ADSS1: variants seen among roughly 807,000 people sequenced by gnomAD.
The protein encoded by ADSS1 is adenylosuccinate synthetase isozyme 1.
In ADSS1, 57 loss-of-function variants were observed where a neutral mutation model predicts 59.1. That is an observed-to-expected ratio of 0.97 (90% confidence interval 0.78 to 1.20). The LOEUF (loss-of-function observed/expected upper bound fraction) is 1.20, where lower values mean the gene tolerates loss of function less well. ADSS1 is among the 50% of genes most tolerant of loss of function. The pLI is 0.00. For missense variants in ADSS1, 603 were observed against 610.3 expected, an observed-to-expected ratio of 0.99 and a Z score of 0.13; for synonymous variants, 247 against 249.4, an observed-to-expected ratio of 0.99 and a Z score of 0.09.
intron 11 of ADSS1, 167 bp downstream of exon 11, chr14:104,745,076 G>C (rs1891507082): frequency 7.9e-6 from 5 of 636,558 alleles, no homozygotes. Context: ...CCTCTCACGG[G>C]TTTCTCCCCA....
At position 104,747,045 on chromosome 14, in the gene ADSS1, G is replaced by T; in HGVS notation, c.*42G>T. ...TCCCAACAGGCCCTGGCAGCGTCTG[G>T]ACTTGTGTAAACAGCAGCAGTCACG... is the stretch of plus-strand genomic sequence containing the variant. On this transcript the variant is annotated 3_prime_UTR_variant, in exon 13 of 13. Transcript: ENST00000330877. 2 of 1,581,940 alleles carry T rather than the reference G, an allele frequency of 1.3e-6. No homozygotes were observed. Among genetic ancestry groups the T allele is most frequent in the South Asian group, 1.1e-5 (1 of 88,986 alleles).
intron 10 of ADSS1, 63 bp from the exon 11 acceptor site, chr14:104,744,749 C>T (rs904121254): frequency 5.3e-6 from 8 of 1,521,292 alleles, no homozygotes; most frequent in East Asian, 4.5e-5. Context: ...CAAAAGCAAG[C>T]GGAAGAAACC....
rs375515624 is a variant in ADSS1 at position 104,739,834 on chromosome 14, C to T, written c.476+18C>T. 5.0e-6 allele frequency: 8 copies of T among 1,613,272 alleles called. No individual in the cohort carries two copies. The highest frequency in any genetic ancestry group is 1.3e-5 in the African/African-American group (1 of 74,904). On this transcript the variant is annotated intron_variant, in intron 5 of 12. Transcript: ENST00000330877. ...GGGAAGAAGTAAGTCTGCCGGGACA[C>T]TCTCACCCTCGGGGAGTCTTCTGGG...
intron 1 of ADSS1, among the ~76,000 whole-genome samples, chr14:104,726,055 G>A (rs952828753): frequency 3.9e-5 from 6 of 152,182 alleles, no homozygotes; most frequent in Non-Finnish European, 8.8e-5. Flanking sequence ...GCAGGCTGGA[G>A]CCCATCCCGC....
At chr14:104,730,075 C>A in intron 1 of ADSS1, 3 of 1,560,642 alleles carry the variant, frequency 1.9e-6, no homozygotes, top group Admixed American at 1.9e-5. Flanking sequence ...CTCACCTTCC[C>A]AGTGCCTGTG....
In ADSS1 at chr14:104,724,265, G is replaced by A. The variant is rs1890653504; in HGVS notation, c.-6G>A. 4 of 1,227,802 alleles carry A rather than the reference G, an allele frequency of 3.3e-6. No individual in the cohort carries two copies. Among genetic ancestry groups the A allele is most frequent in the Non-Finnish European group, 4.1e-6 (4 of 984,218 alleles). 76.1% of individuals were successfully genotyped at this position (1,227,802 alleles called of 1,614,324 possible). On this transcript the variant is annotated 5_prime_UTR_variant, in exon 1 of 13. Transcript: ENST00000330877. ...CGGGCCAGCGCAGCGGAAGAGCCAA[G>A]CCAGCATGTCGGGGACCCGAGCCTC...
intron 1 of ADSS1, among the ~76,000 whole-genome samples, chr14:104,728,939 G>A (rs1348421786): frequency 1.3e-5 from 2 of 152,214 alleles, no homozygotes; most frequent in East Asian, 3.9e-4. Flanking sequence ...GCACAGCTAG[G>A]GCCGAGGGGG....
intron 1 of ADSS1, among the ~76,000 whole-genome samples, chr14:104,732,756 C>T (rs1890976809): frequency 6.6e-6 from 1 of 152,226 alleles, no homozygotes; most frequent in Non-Finnish European, 1.5e-5. Flanking sequence ...ATAGGCTTCC[C>T]TTCTCTCAGT....
In ADSS1 at chr14:104,740,742, G is replaced by T; in HGVS notation, c.584+34G>T. ...GCCGTCTGCAGTCCCCGGGGAGGAT[G>T]GGGAGAAGTTGCCGGAAGGGACTGT... is the stretch of plus-strand genomic sequence containing the variant. On this transcript the variant is annotated intron_variant, in intron 6 of 12. Transcript: ENST00000330877. The surrounding 1 kb of genome is among the most constrained non-coding windows in gnomAD (Gnocchi z 4.8). 6.2e-7 allele frequency: 1 copy of T among 1,613,272 alleles called. No homozygotes were observed. Among genetic ancestry groups the T allele is most frequent in the Non-Finnish European group, 8.5e-7 (1 of 1,179,328 alleles).
chr14:104,739,391 C>A lies in ADSS1; in HGVS notation c.409+13C>A, dbSNP rs1387189148. ...AGAGCCCACCTTGGTACGTTTCCCA[C>A]TGGAGTACAGGGAACAGCCCCTCCT... On this transcript the variant is annotated intron_variant, in intron 4 of 12. Coordinates refer to ENST00000330877, the MANE Select transcript of ADSS1 (RefSeq NM_152328.5). 8.7e-6 allele frequency: 14 copies of A among 1,600,256 alleles called. 1 individual carries two copies. In the South Asian group the frequency reaches 1.6e-4, roughly 18 times the overall value.
At chr14:104,744,177 G>A (rs1022676643) in intron 10 of ADSS1, among the ~76,000 whole-genome samples, 3 of 152,108 alleles carry the variant, frequency 2.0e-5, no homozygotes, top group Non-Finnish European at 2.9e-5. Context: ...CGGCTGTGCT[G>A]TGGGGAAAGT....
intron 1 of ADSS1, 131 bp from the exon 2 acceptor site, chr14:104,734,889 C>T: frequency 1.4e-6 from 1 of 719,162 alleles, no homozygotes; most frequent in Non-Finnish European, 2.4e-6. Context: ...CAGAGCTGGC[C>T]ACCAAACCAG....
intron 3 of ADSS1, among the ~76,000 whole-genome samples, 163 bp from the exon 4 acceptor site, chr14:104,739,165 G>T (rs1186284853): frequency 2.0e-5 from 3 of 152,154 alleles, no homozygotes; most frequent in African/African-American, 4.8e-5. Context: ...ACAACGAGGG[G>T]CGGGTCTGCC....
intron 9 of ADSS1, among the ~76,000 whole-genome samples, 176 bp downstream of exon 9, chr14:104,742,178 G>A (rs1329020943): frequency 2.6e-5 from 4 of 152,252 alleles, no homozygotes; most frequent in Admixed American, 6.5e-5. Flanking sequence ...AGTAAGAGGC[G>A]CTGGGGTGGG....
intron 1 of ADSS1, among the ~76,000 whole-genome samples, chr14:104,729,579 T>G (rs1595194878): frequency 1.6e-5 from 1 of 63,552 alleles, no homozygotes. Context: ...GAGCGTGGCG[T>G]CGGCGTGGTG....
In ADSS1 at chr14:104,740,259, A is replaced by C. The variant is rs938626921; in HGVS notation, c.477-342A>C. On this transcript the variant is annotated intron_variant, in intron 5 of 12. Transcript: ENST00000330877. This position sits in a 1 kb window ranked among gnomAD's most constrained non-coding sequence, Gnocchi z 4.8. ...CACTCACACTCTCACACAGGCACACACTCATGCTCTTACATACACACCACA... is the reference window on the plus strand; with the variant it reads ...CACTCACACTCTCACACAGGCACACCCTCATGCTCTTACATACACACCACA... Among the ~76,000 whole-genome samples, 2 of 151,938 alleles carry C rather than the reference A, an allele frequency of 1.3e-5. No individual in the cohort carries two copies. The highest frequency in any genetic ancestry group is 6.6e-5 in the Admixed American group (1 of 15,242).
Position 104,744,798 on chromosome 14 carries a change from T to C in ADSS1, c.1074-14T>C. ...CCACTTCTTGGGTTTGCCCGGCCCC[T>C]TGGCTTTCCACAGGCTGGCCCTGAC... On this transcript the variant is annotated splice_polypyrimidine_tract_variant and intron_variant, in intron 10 of 12. Coordinates refer to ENST00000330877, the MANE Select transcript of ADSS1 (RefSeq NM_152328.5). 1 of 1,613,974 alleles carries C rather than the reference T, an allele frequency of 6.2e-7. No individual in the cohort carries two copies. The highest frequency in any genetic ancestry group is 8.5e-7 in the Non-Finnish European group (1 of 1,179,912).
chr14:104,732,591 T>G (rs1429324087), intron 1 of ADSS1, among the ~76,000 whole-genome samples: 1 of 152,198 alleles, frequency 6.6e-6, no homozygotes, highest in Non-Finnish European at 1.5e-5. Flanking sequence ...GAGCCTGTGT[T>G]TGCCCCCAAC....
chr14:104,743,319 G>C (rs751214896), intron 10 of ADSS1, 128 bp downstream of exon 10: 4 of 1,397,324 alleles, frequency 2.9e-6, no homozygotes, highest in Non-Finnish European at 2.9e-6. Flanking sequence ...CACTGATCTC[G>C]ACCCTTCCAC....
Sources: allele counts gnomAD v4.1 joint callset (sites outside exome capture counted in the v4.1 genomes callset), GRCh38; gene constraint gnomAD v4.1.1; non-coding constraint Gnocchi (gnomAD v3.1); transcripts MANE v1.5; gene names NCBI Gene and HGNC (gene_info 2026-07-23, HGNC 2026-07-21).